The following MAP3K9 variants were observed in gnomAD, a reference collection of about 807,000 sequenced individuals.
MAP3K9 encodes mixed lineage kinase 1 (tyr and ser/thr specificity).
A neutral mutation model predicts 95.8 loss-of-function variants in MAP3K9; 46 were observed. That is an observed-to-expected ratio of 0.48 (90% confidence interval 0.38 to 0.61). The LOEUF (loss-of-function observed/expected upper bound fraction) is 0.61, where lower values mean the gene tolerates loss of function less well. Ranked by LOEUF, MAP3K9 falls within the 20% of genes least tolerant of loss-of-function variation. The pLI, the probability that MAP3K9 is intolerant of heterozygous loss-of-function variation, is 0.00. For synonymous variants in MAP3K9, 533 were observed against 593.8 expected (o/e 0.90, Z 1.49); for missense variants, 1,296 against 1,474.3 (o/e 0.88, Z 1.98).
intron 3 of MAP3K9, among the ~76,000 whole-genome samples, chr14:70,759,705 C>A (rs2054344699): frequency 6.6e-6 from 1 of 152,180 alleles, no homozygotes; most frequent in Admixed American, 6.5e-5. Context: ...AAACTAATAA[C>A]AATGGTGACC....
chr14:70,766,672 C>A (rs1257719421), intron 2 of MAP3K9, among the ~76,000 whole-genome samples: 4 of 152,154 alleles, frequency 2.6e-5, no homozygotes, highest in African/African-American at 9.7e-5. Context: ...CCAAACCAGA[C>A]ACAGAAAGGT....
intron 10 of MAP3K9, chr14:70,733,724 T>A (rs182530403): frequency 1.4e-6 from 1 of 718,280 alleles, no homozygotes; most frequent in South Asian, 1.5e-5. Context: ...GAGACTAAGA[T>A]GGGAGTCAGG....
At position 70,738,353 on chromosome 14, in the gene MAP3K9, A is replaced by G; in HGVS notation, c.1736T>C (p.Val579Ala). The G allele has an allele frequency of 1.2e-6, 2 of 1,613,716 alleles. No homozygotes were observed. The highest frequency in any genetic ancestry group is 1.7e-6 in the Non-Finnish European group (2 of 1,179,908). ...CTCCTCCTCCCCTTCCTCCTTTGGGACGACTGAGCTCCTGCCCCAGGTTTT... is the reference window on the plus strand; with the variant it reads ...CTCCTCCTCCCCTTCCTCCTTTGGGGCGACTGAGCTCCTGCCCCAGGTTTT... ...SSKTWGRSSV[V>A]PKEEGEEEEK... is the part of the protein sequence containing the mutation. The change falls in exon 8 of 12, where the codon GTC (valine) becomes GCC (alanine). Residue 579 changes from valine (V) to alanine (A), a missense_variant. By Grantham distance (64) the Val-to-Ala change is moderately conservative. Coordinates refer to ENST00000554752, the MANE Select transcript of MAP3K9 (RefSeq NM_001284230.2).
In MAP3K9 at chr14:70,733,234, G is replaced by A; in HGVS notation, c.2135C>T (p.Pro712Leu). The change falls in exon 11 of 12, where the codon CCC (proline) becomes CTC (leucine). Residue 712 changes from proline (P) to leucine (L), a missense_variant. Pro to Leu is a moderately conservative substitution (Grantham distance 98, BLOSUM62 -3). This residue lies in a region of MAP3K9 where 377 missense variants were observed against 417.1 expected (regional missense o/e 0.90). Coordinates refer to ENST00000554752, the MANE Select transcript of MAP3K9 (RefSeq NM_001284230.2). ...PFPRGEDGDG[P>L]SSDGIHEEPT... ...CTCCTCATGGATTCCATCACTGGAG[G>A]GGCCATCGCCATCCTCTCCACGAGG... 1.9e-6 allele frequency: 3 copies of A among 1,612,426 alleles called. No individual in the cohort carries two copies. The highest frequency in any genetic ancestry group is 2.5e-6 in the Non-Finnish European group (3 of 1,178,848).
intron 2 of MAP3K9, among the ~76,000 whole-genome samples, chr14:70,793,294 G>C (rs1566765372): frequency 6.6e-6 from 1 of 152,154 alleles, no homozygotes; most frequent in Non-Finnish European, 1.5e-5. Context: ...AATAACGAAT[G>C]TACTGTCACA....
intron 2 of MAP3K9, among the ~76,000 whole-genome samples, chr14:70,771,602 C>T (rs988320636): frequency 6.6e-6 from 1 of 152,124 alleles, no homozygotes; most frequent in African/African-American, 2.4e-5. Context: ...GTGTGACCTT[C>T]ACCAGGCCCC....
At chr14:70,730,889 G>A in intron 11 of MAP3K9, 25 bp from the exon 12 acceptor site, 5 of 1,582,316 alleles carry the variant, frequency 3.2e-6, no homozygotes, top group Non-Finnish European at 4.3e-6. Flanking sequence ...AAAAGGAGAA[G>A]CATCAGATGA....
intron 2 of MAP3K9, among the ~76,000 whole-genome samples, chr14:70,794,990 CTTTTT>C (rs572010694): frequency 2.0e-4 from 15 of 76,818 alleles, no homozygotes; most frequent in African/African-American, 7.4e-4. Flanking sequence ...TTTTCTTTTC[CTTTTT>C]TTTTTTTTTT....
At chr14:70,783,141 C>T (rs534493893) in intron 2 of MAP3K9, 1 of 357,596 alleles carries the variant, frequency 2.8e-6, no homozygotes, top group Admixed American at 6.4e-5. Flanking sequence ...AATCAAGCAT[C>T]AAAATGCTTG....
chr14:70,789,058 G>A (rs1318661375), intron 2 of MAP3K9, among the ~76,000 whole-genome samples: 2 of 152,206 alleles, frequency 1.3e-5, no homozygotes, highest in Non-Finnish European at 2.9e-5. Context: ...TGAGAGTCCA[G>A]CAGAGCCATA....
chr14:70,800,932 T>C lies in MAP3K9; in HGVS notation c.555A>G (p.Ile185Met), dbSNP rs1433809496. ...HDPDEDISQT[I>M]ENVRQEAKLF... ...GCTTGGCCTCTTGGCGAACATTCTC[T>C]ATGGTCTGGCTGATGTCCTCATCAG... The change falls in exon 2 of 12, where the codon ATA becomes ATG. Residue 185 changes from isoleucine to methionine, a missense_variant. Physicochemically the swap from Ile to Met is conservative, Grantham distance 10. Around this residue, in one of 5 missense-constraint regions of MAP3K9, gnomAD observed 338 missense variants for 363.4 expected, o/e 0.93. Coordinates refer to ENST00000554752, the MANE Select transcript of MAP3K9 (RefSeq NM_001284230.2). 1.2e-6 allele frequency: 2 copies of C among 1,613,988 alleles called. No homozygotes were observed. Among genetic ancestry groups the C allele is most frequent in the African/African-American group, 2.7e-5 (2 of 75,046 alleles).
intron 2 of MAP3K9, among the ~76,000 whole-genome samples, chr14:70,762,417 T>C (rs1269178952): frequency 5.3e-5 from 8 of 152,188 alleles, no homozygotes; most frequent in Non-Finnish European, 8.8e-5. Context: ...TTCCTTATTA[T>C]TGGTATTCTT....
Position 70,800,851 on chromosome 14 carries a change from C to T in MAP3K9, c.636G>A (p.Lys212=), listed in dbSNP as rs1470814443. ...NIIALRGVCL[K]EPNLCLVMEF... ...CCATGACCAAGCAGAGGTTGGGCTC[C>T]TTCAGACATACCCCTCTTAGGGCAA... The change falls in exon 2 of 12, where the codon AAG becomes AAA. Residue 212 remains lysine, a synonymous_variant. Coordinates refer to ENST00000554752, the MANE Select transcript of MAP3K9 (RefSeq NM_001284230.2). 1.2e-6 allele frequency: 2 copies of T among 1,614,170 alleles called. No homozygotes were observed. Among genetic ancestry groups the T allele is most frequent in the African/African-American group, 2.7e-5 (2 of 75,036 alleles).
intron 3 of MAP3K9, among the ~76,000 whole-genome samples, chr14:70,754,534 C>A (rs112095593): frequency 6.6e-6 from 1 of 151,956 alleles, no homozygotes; most frequent in Non-Finnish European, 1.5e-5. Flanking sequence ...TGCAGTGGTG[C>A]GATCTCAGCT....
chr14:70,763,852 C>G (rs1315849429), intron 2 of MAP3K9, among the ~76,000 whole-genome samples: 1 of 151,484 alleles, frequency 6.6e-6, no homozygotes, highest in African/African-American at 2.4e-5. Context: ...ACTTTTTAAT[C>G]ATTATTTTAG....
intron 2 of MAP3K9, among the ~76,000 whole-genome samples, chr14:70,790,455 C>A (rs2054795006): frequency 1.3e-5 from 2 of 152,170 alleles, no homozygotes; most frequent in South Asian, 2.1e-4. Context: ...CCAGAGAGAT[C>A]ACAGACGTGC....
At chr14:70,765,735 T>TAAAAAAAAAAAAAAA (rs10523480) in intron 2 of MAP3K9, among the ~76,000 whole-genome samples, 1 of 122,340 alleles carries the variant, frequency 8.2e-6, no homozygotes, top group Non-Finnish European at 1.7e-5. Context: ...CAACAACAGC[T>TAAAAAAAAAAAAAAA]AAAAAAAAAA....
At chr14:70,749,190 T>C (rs543674651) in intron 4 of MAP3K9, among the ~76,000 whole-genome samples, 186 bp from the exon 5 acceptor site, 2 of 152,240 alleles carry the variant, frequency 1.3e-5, no homozygotes, top group South Asian at 4.2e-4. Flanking sequence ...ATTACAACCA[T>C]AAAGAGTGAA....
intron 2 of MAP3K9, among the ~76,000 whole-genome samples, chr14:70,769,708 T>C (rs547728286): frequency 2.4e-4 from 37 of 152,334 alleles, no homozygotes; most frequent in Admixed American, 2.2e-3. Context: ...GTCTAATCTC[T>C]GCCTCCATCT....
Sources: allele counts gnomAD v4.1 joint callset (sites outside exome capture counted in the v4.1 genomes callset), GRCh38; gene constraint gnomAD v4.1.1; regional missense constraint gnomAD v4.1.1; transcripts MANE v1.5; gene names NCBI Gene and HGNC (gene_info 2026-07-23, HGNC 2026-07-21).